WBP2NL: variants seen among roughly 807,000 people sequenced by gnomAD.
WBP2NL encodes postacrosomal sheath WW domain-binding protein.
A neutral mutation model predicts 23.3 loss-of-function variants in WBP2NL; 27 were observed. That is an observed-to-expected ratio of 1.16 (90% CI 0.85 to 1.60). The LOEUF (loss-of-function observed/expected upper bound fraction) is 1.60. Among genes scored for constraint, WBP2NL ranks in the 40% most tolerant of loss-of-function variants. The pLI is 0.00. For missense variants in WBP2NL, 370 were observed against 389.5 expected, an observed-to-expected ratio of 0.95 and a Z score of 0.42; for synonymous variants, 151 against 145.9, an observed-to-expected ratio of 1.03 and a Z score of -0.25.
chr22:42,033,425 A>T (rs1258266624), downstream of WBP2NL, among the ~76,000 whole-genome samples: 3 of 152,188 alleles, frequency 2.0e-5, no homozygotes, highest in African/African-American at 7.2e-5. Context: ...CATGTTGAGC[A>T]AGGGGCATGT....
chr22:42,049,622 A>G (rs111503069), intron 8 of WBP2NL, among the ~76,000 whole-genome samples: 7,351 of 143,026 alleles, frequency 0.051, 643 homozygotes, highest in African/African-American at 0.18. Flanking sequence ...CCCAGGAGGC[A>G]GAGCTTGCAG....
Position 42,019,798 on chromosome 22 carries a change from C to T in WBP2NL, c.308C>T (p.Pro103Leu). 1 of 1,614,162 alleles carries T rather than the reference C, an allele frequency of 6.2e-7. No homozygotes were observed. The highest frequency in any genetic ancestry group is 8.5e-7 in the Non-Finnish European group (1 of 1,180,022). Reference protein sequence around the residue: ...NFIKGTIQAAPYGGWEGQATF... With the variant: ...NFIKGTIQAALYGGWEGQATF... ...ATTAAGGGAACTATTCAGGCAGCTC[C>T]ATATGGTAAGTGTTCCCTCAGAAGT... The change falls in exon 3 of 6, where the codon CCA becomes CTA. Residue 103 changes from proline (P) to leucine (L), a missense_variant. Physicochemically the swap from Pro to Leu is moderately conservative, Grantham distance 98. Transcript: ENST00000328823.
rs901271525 is a variant in WBP2NL, at chr22:42,026,923, C to T, written c.672C>T (p.Tyr224=). 17 of 1,598,972 alleles carry T rather than the reference C, an allele frequency of 1.1e-5. No individual in the cohort carries two copies. Among genetic ancestry groups the T allele is most frequent in the East Asian group, 9.0e-5 (4 of 44,208 alleles). The change falls in exon 6 of 6, where the codon TAC becomes TAT. Residue 224 remains tyrosine, a synonymous_variant. Transcript: ENST00000328823. The stretch of plus-strand genomic sequence containing the variant: ...GATATGGAGCCCCACCTCTTGGATA[C>T]GGAGCCCCACCTGCAGGATATGGAG... The part of the protein sequence containing the change: ...PVRYGAPPLG[Y]GAPPAGYGAP...
At chr22:42,026,285 T>TAATAAG (rs1924480792) in intron 5 of WBP2NL, among the ~76,000 whole-genome samples, 1 of 123,660 alleles carries the variant, frequency 8.1e-6, no homozygotes, top group Non-Finnish European at 1.5e-5. Flanking sequence ...ATAATAATAA[T>TAATAAG]AATAATAATA....
At chr22:42,048,723 TC>T (rs1354897334) in intron 8 of WBP2NL, among the ~76,000 whole-genome samples, 2 of 140,736 alleles carry the variant, frequency 1.4e-5, no homozygotes, top group East Asian at 4.3e-4. Flanking sequence ...GCCACTGTAC[TC>T]CAGCCTGGGC....
At chr22:42,007,903 T>C (rs1480253697) in intron 1 of WBP2NL, among the ~76,000 whole-genome samples, 3 of 152,214 alleles carry the variant, frequency 2.0e-5, no homozygotes, top group Non-Finnish European at 4.4e-5. Context: ...GGCAATTCTT[T>C]TGGATGTATA....
chr22:42,000,738 CCAATA>C (rs1328339144), intron 1 of WBP2NL, among the ~76,000 whole-genome samples: 3 of 150,262 alleles, frequency 2.0e-5, no homozygotes, highest in African/African-American at 7.4e-5. Context: ...AGCAGCCTGG[CCAATA>C]TGTTGAAACC....
At chr22:42,053,753 T>C (rs1925925505) in intron 8 of WBP2NL, among the ~76,000 whole-genome samples, 1 of 152,160 alleles carries the variant, frequency 6.6e-6, no homozygotes, top group African/African-American at 2.4e-5. Flanking sequence ...CCACCACACC[T>C]GGCCAATGTT....
At chr22:42,019,884 T>C in intron 3 of WBP2NL, 81 bp downstream of exon 3, 1 of 1,599,212 alleles carries the variant, frequency 6.3e-7, no homozygotes, top group Non-Finnish European at 8.5e-7. Flanking sequence ...TGGCTCATGT[T>C]GAAATTCAAA....
intron 4 of WBP2NL, among the ~76,000 whole-genome samples, chr22:42,021,738 C>T: frequency 6.6e-6 from 1 of 151,796 alleles, no homozygotes; most frequent in East Asian, 1.9e-4. Context: ...CAATCTCTGC[C>T]CTTAAGACAC....
At chr22:42,018,643 C>G (rs762189680) in intron 1 of WBP2NL, among the ~76,000 whole-genome samples, 1 of 152,076 alleles carries the variant, frequency 6.6e-6, no homozygotes, top group African/African-American at 2.4e-5. Context: ...CTGGGGCAGT[C>G]TGCTGCCTTA....
chr22:42,022,190 T>C (rs1406447874), intron 4 of WBP2NL, 59 bp from the exon 5 acceptor site: 18 of 1,320,222 alleles, frequency 1.4e-5, no homozygotes, highest in Non-Finnish European at 1.8e-5. Flanking sequence ...TTAGTTGATA[T>C]CTGCTATATA....
intron 5 of WBP2NL, among the ~76,000 whole-genome samples, chr22:42,024,223 G>C (rs971571443): frequency 6.6e-6 from 1 of 152,122 alleles, no homozygotes; most frequent in East Asian, 1.9e-4. Context: ...ACCACAATTT[G>C]TGTATTCATT....
At chr22:42,023,187 GTGTT>G (rs566837559) in intron 5 of WBP2NL, among the ~76,000 whole-genome samples, 1 of 66,206 alleles carries the variant, frequency 1.5e-5, no homozygotes, top group South Asian at 5.1e-4. Context: ...TCAAAAAGTG[GTGTT>G]TTTTTTTTTT....
At chr22:42,050,318 T>G (rs1396774156) in intron 8 of WBP2NL, among the ~76,000 whole-genome samples, 3 of 151,158 alleles carry the variant, frequency 2.0e-5, no homozygotes, top group Non-Finnish European at 4.4e-5. Flanking sequence ...AATCCAACTC[T>G]TACAACTCAA....
downstream of WBP2NL, among the ~76,000 whole-genome samples, chr22:42,034,653 T>G (rs1233040473): frequency 6.6e-6 from 1 of 152,180 alleles, no homozygotes; most frequent in East Asian, 1.9e-4. Context: ...CTGGGAGCGC[T>G]ATGGGAGACT....
chr22:42,020,757 A>G (rs955462607), intron 4 of WBP2NL, among the ~76,000 whole-genome samples: 1 of 149,196 alleles, frequency 6.7e-6, no homozygotes, highest in African/African-American at 2.5e-5. Flanking sequence ...ATGAGAGGGG[A>G]GTAGAGGTAC....
In WBP2NL at chr22:42,008,171, C is replaced by CCTT. The variant is rs58536145; in HGVS notation, c.62+9291_62+9292insCTT. 9.0e-4 allele frequency among the ~76,000 whole-genome samples: 127 copies of CCTT among 141,570 alleles called. No individual in the cohort carries two copies. The East Asian group carries it at 0.013, about 14-fold the overall frequency. The allele number at this position is 141,570 out of a possible 152,430, so 92.9% of individuals were successfully genotyped here. On this transcript the variant is annotated intron_variant, in intron 1 of 5. Coordinates refer to ENST00000328823, the MANE Select transcript of WBP2NL (RefSeq NM_152613.3). ...CCTTTCCTTTCCTTTCCTTTCCTTT[C>CCTT]TCCCTCCCTTCCCTCTCCCTCCCCC...
In WBP2NL at chr22:42,028,425, A is replaced by G. The variant is rs986485078; in HGVS notation, c.*1244A>G. On this transcript the variant is annotated 3_prime_UTR_variant, in exon 6 of 6. Transcript: ENST00000328823. Reference sequence around the variant, plus strand: ...ATGATTCCACACCATTTCAACCAAAATTAATAGGCCATAAATGTGATAGAG... The same window carrying G: ...ATGATTCCACACCATTTCAACCAAAGTTAATAGGCCATAAATGTGATAGAG... 2.7e-5 allele frequency: 5 copies of G among 186,876 alleles called. No homozygotes were observed. The highest frequency in any genetic ancestry group is 4.4e-5 in the Non-Finnish European group (4 of 91,762). The allele number at this position is 186,876 out of a possible 1,614,324, so 11.6% of individuals were successfully genotyped here. A position where few individuals can be genotyped will look rare whatever the true frequency, so the allele number is the denominator to read the frequency against.
Sources: allele counts gnomAD v4.1 joint callset (sites outside exome capture counted in the v4.1 genomes callset), GRCh38; gene constraint gnomAD v4.1.1; transcripts MANE v1.5; gene names NCBI Gene and HGNC (gene_info 2026-07-23, HGNC 2026-07-21).